The following FANCL variants were observed in gnomAD, a reference collection of about 807,000 sequenced individuals.
FANCL encodes the protein FA complementation group L.
In FANCL, 69 loss-of-function variants were observed where a neutral mutation model predicts 59.4. The ratio of observed to expected loss-of-function variants is 1.16; its 90% CI spans 0.96 to 1.42. The LOEUF is 1.42. FANCL is among the 40% of genes most tolerant of loss of function. FANCL has a pLI of 0.00. For missense variants in FANCL, 519 were observed against 447.2 expected (o/e 1.16, Z -1.45); for synonymous variants, 180 against 147.1 (o/e 1.22, Z -1.62).
intron 7 of FANCL, among the ~76,000 whole-genome samples, chr2:58,188,600 C>G (rs532540197): frequency 6.6e-6 from 1 of 151,848 alleles, no homozygotes; most frequent in East Asian, 1.9e-4. Context: ...GCCCCCACAC[C>G]CAGCTGATTT....
intron 5 of FANCL, among the ~76,000 whole-genome samples, chr2:58,217,787 C>G (rs773658313): frequency 6.7e-6 from 1 of 148,816 alleles, no homozygotes; most frequent in East Asian, 2.0e-4. Flanking sequence ...TCAGGACAAG[C>G]GGACAAAAAA....
At chr2:58,201,784 A>G (rs1377651081) in intron 6 of FANCL, among the ~76,000 whole-genome samples, 1 of 152,020 alleles carries the variant, frequency 6.6e-6, no homozygotes, top group African/African-American at 2.4e-5. Context: ...TCTAGTCAAA[A>G]TAGGTATTTG....
intron 4 of FANCL, among the ~76,000 whole-genome samples, 153 bp from the exon 5 acceptor site, chr2:58,222,195 T>TG (rs1156295007): frequency 6.6e-6 from 1 of 152,004 alleles, no homozygotes. Context: ...CCCCTGCTCA[T>TG]GAAAAAGAGA....
intron 5 of FANCL, among the ~76,000 whole-genome samples, chr2:58,207,199 T>C: frequency 6.6e-6 from 1 of 152,152 alleles, no homozygotes; most frequent in East Asian, 1.9e-4. Context: ...TCTCCTTTCC[T>C]GTAGACTACA....
At chr2:58,232,619 C>T (rs1274068044) in intron 1 of FANCL, among the ~76,000 whole-genome samples, 1 of 150,928 alleles carries the variant, frequency 6.6e-6, no homozygotes, top group East Asian at 2.0e-4. Context: ...AAGTGAAATA[C>T]TTGCATAAAT....
At chr2:58,215,118 G>A (rs1691584207) in intron 5 of FANCL, among the ~76,000 whole-genome samples, 2 of 152,142 alleles carry the variant, frequency 1.3e-5, no homozygotes, top group African/African-American at 4.8e-5. Context: ...AGCATCTGAA[G>A]ATAAGTCAAA....
intron 1 of FANCL, among the ~76,000 whole-genome samples, chr2:58,240,246 C>G (rs745338794): frequency 2.5e-4 from 38 of 152,094 alleles, no homozygotes; most frequent in South Asian, 1.0e-3. Flanking sequence ...AACTTTTTTC[C>G]ATATGGAATA....
At chr2:58,229,693 A>G in intron 3 of FANCL, 121 bp downstream of exon 3, 2 of 761,360 alleles carry the variant, frequency 2.6e-6, no homozygotes, top group Non-Finnish European at 4.5e-6. Flanking sequence ...TGAAACCTAC[A>G]AAACTTAACA....
At chr2:58,175,873 T>C (rs2104912396) in intron 7 of FANCL, among the ~76,000 whole-genome samples, 1 of 151,972 alleles carries the variant, frequency 6.6e-6, no homozygotes, top group South Asian at 2.1e-4. Context: ...TGATTGTATA[T>C]CTAGAAAACC....
At chr2:58,236,006 G>GCA (rs1466129004) in intron 1 of FANCL, among the ~76,000 whole-genome samples, 5 of 150,516 alleles carry the variant, frequency 3.3e-5, no homozygotes, top group Non-Finnish European at 7.4e-5. Context: ...TGACCTAAAT[G>GCA]CATGTATTTG....
intron 7 of FANCL, among the ~76,000 whole-genome samples, chr2:58,176,323 T>G (rs1415677692): frequency 6.6e-6 from 1 of 151,902 alleles, no homozygotes; most frequent in Non-Finnish European, 1.5e-5. Context: ...CATCGCCAAG[T>G]CAATCCTAAG....
intron 7 of FANCL, among the ~76,000 whole-genome samples, chr2:58,191,912 T>A (rs1296394491): frequency 6.6e-6 from 1 of 151,918 alleles, no homozygotes; most frequent in Non-Finnish European, 1.5e-5. Context: ...ATGACACAGA[T>A]ATTCTTTCTC....
chr2:58,223,051 T>C (rs1331371891), intron 4 of FANCL, among the ~76,000 whole-genome samples: 1 of 151,370 alleles, frequency 6.6e-6, no homozygotes, highest in African/African-American at 2.4e-5. Context: ...GAGATCATAT[T>C]AGAAAGAACA....
Position 58,159,626 on chromosome 2 carries a change from T to G in FANCL, c.*139A>C, listed in dbSNP as rs1553432643. The G allele has an allele frequency of 5.6e-6, 9 of 1,613,678 alleles. No homozygotes were observed. In the South Asian group the frequency reaches 9.9e-5, roughly 18 times the overall value. On this transcript the variant is annotated 3_prime_UTR_variant, in exon 14 of 14. Coordinates refer to ENST00000233741, the MANE Select transcript of FANCL (RefSeq NM_018062.4). ...CTTAGTGAAGAGACAAACGCAGATG[T>G]TTATTATTATCGCATCATCATACCT...
At chr2:58,182,760 T>G (rs546931969) in intron 7 of FANCL, among the ~76,000 whole-genome samples, 1 of 151,774 alleles carries the variant, frequency 6.6e-6, no homozygotes, top group South Asian at 2.1e-4. Flanking sequence ...TACAATTCAA[T>G]ACAGCAACTC....
rs562443957 is a variant in FANCL at position 58,163,863 on chromosome 2, ACTAT to A, written c.692-350_692-347del. On this transcript the variant is annotated intron_variant, in intron 8 of 13. Transcript: ENST00000233741. ...TCACAAGTCACATGTTTAAGAAATA[ACTAT>A]CTAAATTATTTTTCATGGCTTTCCT... 1.9e-3 allele frequency among the ~76,000 whole-genome samples: 295 copies of A among 152,114 alleles called. 2 individuals are homozygous for A. The highest frequency in any genetic ancestry group is 3.7e-3 in the Non-Finnish European group (252 of 67,860).
chr2:58,219,402 G>A (rs1469801385), intron 5 of FANCL, among the ~76,000 whole-genome samples: 2 of 151,614 alleles, frequency 1.3e-5, no homozygotes, highest in African/African-American at 2.4e-5. Flanking sequence ...CAAAATCTGA[G>A]CAGAAAAATT....
intron 5 of FANCL, among the ~76,000 whole-genome samples, chr2:58,215,704 CAAA>C (rs11427269): frequency 2.8e-5 from 3 of 106,576 alleles, no homozygotes; most frequent in Admixed American, 1.1e-4. Flanking sequence ...TATTAAGTGG[CAAA>C]AAAAAAAAAA....
Position 58,163,070 on chromosome 2 carries a change from TACC to T in FANCL, c.777_779del (p.Val260del), listed in dbSNP as rs1473538261. The T allele has an allele frequency of 3.7e-6, 6 of 1,611,548 alleles. No homozygotes were observed. The highest frequency in any genetic ancestry group is 5.1e-6 in the Non-Finnish European group (6 of 1,178,810). ...TGCTCAGCTTAATTCCCAGGGGTTTTACCACTTCAGATTAAAAAAAAAAAATTT... is the reference window on the plus strand; with the variant it reads ...TGCTCAGCTTAATTCCCAGGGGTTTTACTTCAGATTAAAAAAAAAAAATTT... On this transcript the variant is annotated inframe_deletion and splice_region_variant, in exon 10 of 14. Coordinates refer to ENST00000233741, the MANE Select transcript of FANCL (RefSeq NM_018062.4).
Sources: gnomAD v4.1 joint callset for allele counts (sites outside exome capture counted in the v4.1 genomes callset) on GRCh38, gnomAD v4.1.1 for gene constraint, MANE v1.5 for transcripts, NCBI Gene and HGNC (gene_info 2026-07-23, HGNC 2026-07-21) for gene names.